The following KALRN variants were observed in gnomAD, a reference collection of about 807,000 sequenced individuals.
The protein encoded by KALRN is kalirin RhoGEF kinase.
KALRN carries 70 observed loss-of-function variants against 353.7 expected under a neutral mutation model. The observed-to-expected ratio is 0.20, with a 90% confidence interval of 0.16 to 0.24. KALRN has a LOEUF of 0.24. Among genes scored for constraint, KALRN ranks in the 10% least tolerant of loss-of-function variants. The pLI is 1.00. For missense variants in KALRN, 2,791 were observed against 3,756.7 expected, an observed-to-expected ratio of 0.74 and a Z score of 6.72; for synonymous variants, 1,391 against 1,434.8, an observed-to-expected ratio of 0.97 and a Z score of 0.69.
chr3:124,556,360 G>C (rs953655220), intron 33 of KALRN, among the ~76,000 whole-genome samples: 3 of 152,042 alleles, frequency 2.0e-5, no homozygotes, highest in African/African-American at 7.2e-5. Flanking sequence ...AGAGCTCCAC[G>C]ACAATGTTCC....
intron 12 of KALRN, 128 bp from the exon 13 acceptor site, chr3:124,398,569 G>T (rs974109071): frequency 1.1e-5 from 10 of 906,906 alleles, no homozygotes; most frequent in Non-Finnish European, 1.8e-5. Context: ...TTTGATAAAT[G>T]TCTGTTGATT....
intron 6 of KALRN, among the ~76,000 whole-genome samples, chr3:124,314,740 T>C (rs140995333): frequency 5.3e-4 from 80 of 152,294 alleles, no homozygotes; most frequent in Middle Eastern, 3.4e-3. Context: ...CACTGCAGCC[T>C]CAACCTCCAG....
intron 8 of KALRN, among the ~76,000 whole-genome samples, chr3:124,332,035 A>G (rs570838752): frequency 3.3e-5 from 5 of 152,152 alleles, no homozygotes; most frequent in African/African-American, 1.2e-4. Flanking sequence ...ACTATAGGAT[A>G]TTTGTCTTAT....
At chr3:124,205,649 A>G (rs985262075) in intron 1 of KALRN, among the ~76,000 whole-genome samples, 6 of 152,210 alleles carry the variant, frequency 3.9e-5, no homozygotes, top group Non-Finnish European at 5.9e-5. Flanking sequence ...TTTAATGGAA[A>G]CACCTACTGG....
Position 124,674,538 on chromosome 3 carries a change from G to A in KALRN, c.7117G>A (p.Glu2373Lys), listed in dbSNP as rs749778361. 49 of 1,613,464 alleles carry A rather than the reference G, an allele frequency of 3.0e-5. No homozygotes were observed. The highest frequency in any genetic ancestry group is 2.2e-5 in the East Asian group (1 of 44,866). Residue 2373 changes from glutamate to lysine, a missense_variant, in exon 49 of 60, where the codon GAG becomes AAG. By Grantham distance (56) the Glu-to-Lys change is moderately conservative. Around this residue, in one of 11 missense-constraint regions of KALRN, gnomAD observed 1,065 missense variants for 1,156.4 expected, o/e 0.92. Coordinates refer to ENST00000682506, the MANE Select transcript of KALRN (RefSeq NM_001388419.1). ...TGCCAGCGACCATTCCCCCGCCGCC[G>A]AGGGCTGGGTCCCAGGCAGCATCCT... ...QPASDHSPAA[E>K]GWVPGSILAP...
chr3:124,305,688 C>T (rs1252431083), intron 6 of KALRN, among the ~76,000 whole-genome samples: 1 of 103,184 alleles, frequency 9.7e-6, no homozygotes, highest in Non-Finnish European at 2.1e-5. Flanking sequence ...TACTGTGGAG[C>T]TGTGGGGGAG....
chr3:124,064,202 G>A (rs985084398), intron 1 of KALRN, among the ~76,000 whole-genome samples: 1 of 152,114 alleles, frequency 6.6e-6, no homozygotes, highest in African/African-American at 2.4e-5. Flanking sequence ...CTGCAGTGGG[G>A]TCACCACTGG....
At chr3:124,309,240 G>C (rs2078008140) in intron 6 of KALRN, among the ~76,000 whole-genome samples, 1 of 147,748 alleles carries the variant, frequency 6.8e-6, no homozygotes, top group Admixed American at 6.8e-5. Context: ...CTCATTTTTT[G>C]TAAGCTTATA....
At position 124,495,982 on chromosome 3, in the gene KALRN, T is replaced by TATATATAC. The variant is rs2063738729; in HGVS notation, c.4833-322_4833-321insCATATATA. 1.5e-4 allele frequency among the ~76,000 whole-genome samples: 7 copies of TATATATAC among 45,356 alleles called. 1 individual carries two copies. The highest frequency in any genetic ancestry group is 1.9e-4 in the Non-Finnish European group (5 of 26,778). 29.8% of individuals were successfully genotyped at this position (45,356 alleles called of 152,430 possible). ...GTATGTATGTATATATATATATATA[T>TATATATAC]ATATATATATATATATATATATATA... is the stretch of plus-strand genomic sequence containing the variant. On this transcript the variant is annotated intron_variant, in intron 32 of 59. Transcript: ENST00000682506.
At chr3:124,167,582 A>G (rs1338356216) in intron 1 of KALRN, among the ~76,000 whole-genome samples, 1 of 152,210 alleles carries the variant, frequency 6.6e-6, no homozygotes, top group Non-Finnish European at 1.5e-5. Flanking sequence ...TCAACATTCA[A>G]ACTGTAGGCA....
chr3:124,367,469 CCCCA>C lies in KALRN; in HGVS notation c.1771-17373_1771-17370del, dbSNP rs1469542170. Among the ~76,000 whole-genome samples, 830 of 99,976 alleles carry C rather than the reference CCCCA, an allele frequency of 8.3e-3. 108 individuals carry two copies. The highest frequency in any genetic ancestry group is 0.036 in the African/African-American group (795 of 22,188). 65.6% of individuals were successfully genotyped at this position (99,976 alleles called of 152,430 possible). ...GGCTGGCCAGGCGGGGGGCTGACCC[CCCCA>C]CCTCCCTCCCGGACGGGGCAGCTGG... On this transcript the variant is annotated intron_variant, in intron 10 of 59. Coordinates refer to ENST00000682506, the MANE Select transcript of KALRN (RefSeq NM_001388419.1).
In KALRN at chr3:124,113,598, G is replaced by A. The variant is rs548199890; in HGVS notation, c.73+79785G>A. Among the ~76,000 whole-genome samples the A allele has an allele frequency of 2.6e-5, 4 of 152,348 alleles. No individual in the cohort carries two copies. The South Asian group carries it at 8.3e-4, about 32-fold the overall frequency. On this transcript the variant is annotated intron_variant, in intron 1 of 59. Transcript: ENST00000682506. Reference sequence around the variant, plus strand: ...TGTACCTGTGTACCTGCTTGTGACTGGGATATGTTTCCTGCAGGAGTGAAG... The same window carrying A: ...TGTACCTGTGTACCTGCTTGTGACTAGGATATGTTTCCTGCAGGAGTGAAG...
At chr3:124,138,520 C>A (rs1053017469) in intron 1 of KALRN, among the ~76,000 whole-genome samples, 7 of 152,172 alleles carry the variant, frequency 4.6e-5, no homozygotes, top group African/African-American at 1.7e-4. Flanking sequence ...GAGCAAATCT[C>A]AATGATCAAT....
At chr3:124,601,394 C>T (rs1296852235) in intron 34 of KALRN, among the ~76,000 whole-genome samples, 1 of 152,204 alleles carries the variant, frequency 6.6e-6, no homozygotes, top group Non-Finnish European at 1.5e-5. Flanking sequence ...TTTCTCAAAG[C>T]TTTTAAGGAA....
intron 1 of KALRN, among the ~76,000 whole-genome samples, chr3:124,115,103 A>T (rs992351480): frequency 6.6e-6 from 1 of 152,162 alleles, no homozygotes; most frequent in Non-Finnish European, 1.5e-5. Context: ...GATGGGTAAA[A>T]GTTGGGCTTG....
chr3:124,551,817 G>T (rs1260823728), intron 33 of KALRN, among the ~76,000 whole-genome samples: 6 of 152,154 alleles, frequency 3.9e-5, no homozygotes, highest in African/African-American at 1.4e-4. Flanking sequence ...TGCAGGTAGG[G>T]ACATCACAGC....
chr3:124,060,433 T>C (rs1350328088), intron 1 of KALRN, among the ~76,000 whole-genome samples: 1 of 152,218 alleles, frequency 6.6e-6, no homozygotes, highest in Non-Finnish European at 1.5e-5. Context: ...TATCATGGTG[T>C]TTTCTATTTT....
intron 45 of KALRN, among the ~76,000 whole-genome samples, chr3:124,664,362 T>TGCGCGCGC (rs199832527): frequency 8.3e-6 from 1 of 119,962 alleles, no homozygotes; most frequent in Non-Finnish European, 1.7e-5. Context: ...TGTGTGTGTG[T>TGCGCGCGC]GTGTGTGTGC....
intron 38 of KALRN, 46 bp from the exon 39 acceptor site, chr3:124,655,555 C>CT: frequency 1.3e-6 from 2 of 1,519,148 alleles, no homozygotes; most frequent in Non-Finnish European, 9.1e-7. Flanking sequence ...AGATTTTTGG[C>CT]TTAACAATGA....
Sources: gnomAD v4.1 joint callset for allele counts (sites outside exome capture counted in the v4.1 genomes callset) on GRCh38, gnomAD v4.1.1 for gene constraint, gnomAD v4.1.1 regional missense constraint, MANE v1.5 for transcripts, NCBI Gene and HGNC (gene_info 2026-07-23, HGNC 2026-07-21) for gene names.